Variants in DRC11 observed in about 807,000 individuals in gnomAD.
The protein encoded by DRC11 is dynein regulatory complex subunit 11.
At chr2:236,483,449 GA>G in the DRC11 span, among the ~76,000 whole-genome samples, 1 of 152,120 alleles carries the variant, frequency 6.6e-6, no homozygotes, top group Admixed American at 6.6e-5. This position sits in a 1 kb window ranked among gnomAD's most constrained non-coding sequence, Gnocchi z 4.8. Context: ...ATAAAATCAA[GA>G]TATTTTTGAA....
chr2:236,502,454 G>A, the DRC11 span, among the ~76,000 whole-genome samples: 2,093 of 141,210 alleles, frequency 0.015, 14 homozygotes, highest in Middle Eastern at 0.028. Flanking sequence ...GCAGGCGCCT[G>A]TAATCCCAGC....
the DRC11 span, among the ~76,000 whole-genome samples, chr2:236,396,287 G>A: frequency 1.0e-5 from 1 of 98,278 alleles, no homozygotes; most frequent in East Asian, 3.3e-4. Context: ...ACGTGGGGGG[G>A]CAATGAAAGA....
chr2:236,504,417 C>T, the DRC11 span, among the ~76,000 whole-genome samples: 415 of 152,182 alleles, frequency 2.7e-3, 1 homozygote, highest in African/African-American at 9.2e-3. The surrounding 1 kb of genome is among the most constrained non-coding windows in gnomAD (Gnocchi z 5.0). Flanking sequence ...CATTCCTGTG[C>T]GAGTTTCTGC....
the DRC11 span, among the ~76,000 whole-genome samples, chr2:236,428,373 C>T: frequency 1.3e-5 from 2 of 152,020 alleles, no homozygotes; most frequent in Non-Finnish European, 2.9e-5. Flanking sequence ...TCTGTCTCTC[C>T]CTTCAGATCT....
the DRC11 span, among the ~76,000 whole-genome samples, chr2:236,450,523 T>C: frequency 6.6e-6 from 1 of 152,042 alleles, no homozygotes; most frequent in Non-Finnish European, 1.5e-5. Flanking sequence ...TTTTACCATG[T>C]TGGTCAGGAT....
the DRC11 span, among the ~76,000 whole-genome samples, chr2:236,381,278 G>A: frequency 1.3e-5 from 2 of 152,094 alleles, no homozygotes; most frequent in African/African-American, 2.4e-5. The surrounding 1 kb of genome is among the most constrained non-coding windows in gnomAD (Gnocchi z 5.8). Context: ...CCAGAACTAT[G>A]AGCTATTAAT....
At chr2:236,315,573 A>C in the DRC11 span, among the ~76,000 whole-genome samples, 1 of 152,208 alleles carries the variant, frequency 6.6e-6, no homozygotes, top group African/African-American at 2.4e-5. This position sits in a 1 kb window ranked among gnomAD's most constrained non-coding sequence, Gnocchi z 5.1. Context: ...TTGCAGCACT[A>C]TTCACAATAG....
chr2:236,377,217 G>GCA, the DRC11 span: 1 of 1,374,812 alleles, frequency 7.3e-7, no homozygotes, highest in Non-Finnish European at 1.0e-6. This position sits in a 1 kb window ranked among gnomAD's most constrained non-coding sequence, Gnocchi z 4.9. Flanking sequence ...TGTTCCAGAG[G>GCA]CACACACACA....
the DRC11 span, among the ~76,000 whole-genome samples, chr2:236,356,992 CTATATATT>C: frequency 4.4e-3 from 379 of 85,576 alleles, 8 homozygotes; most frequent in African/African-American, 0.015. Context: ...TATTATATAT[CTATATATT>C]TATATATTCA....
At chr2:236,488,489 T>G in the DRC11 span, among the ~76,000 whole-genome samples, 2 of 152,164 alleles carry the variant, frequency 1.3e-5, no homozygotes, top group African/African-American at 4.8e-5. Flanking sequence ...ATACTAAAAA[T>G]GTCAATAAAA....
chr2:236,419,467 G>C, the DRC11 span, among the ~76,000 whole-genome samples: 1 of 152,190 alleles, frequency 6.6e-6, no homozygotes, highest in Admixed American at 6.5e-5. This position sits in a 1 kb window ranked among gnomAD's most constrained non-coding sequence, Gnocchi z 4.8. Flanking sequence ...TCATGAACAG[G>C]GGGCAGCAGC....
At chr2:236,344,734 G>A in the DRC11 span, 63 of 876,188 alleles carry the variant, frequency 7.2e-5, no homozygotes, top group African/African-American at 9.6e-4. Context: ...CTTCTGGGGT[G>A]TGCAGAGCCC....
the DRC11 span, among the ~76,000 whole-genome samples, chr2:236,437,697 G>A: frequency 7.9e-5 from 12 of 151,916 alleles, no homozygotes; most frequent in African/African-American, 2.9e-4. Flanking sequence ...GGCCAGTGAT[G>A]CTGAGCATTT....
At chr2:236,430,735 C>T in the DRC11 span, among the ~76,000 whole-genome samples, 1 of 152,194 alleles carries the variant, frequency 6.6e-6, no homozygotes, top group Non-Finnish European at 1.5e-5. The surrounding 1 kb of genome is among the most constrained non-coding windows in gnomAD (Gnocchi z 6.0). Context: ...ATTTGTAATA[C>T]TGTTAAACTT....
the DRC11 span, among the ~76,000 whole-genome samples, chr2:236,441,398 G>C: frequency 2.7e-5 from 4 of 149,944 alleles, no homozygotes; most frequent in Non-Finnish European, 5.9e-5. Context: ...TTTTAATGTT[G>C]AGATGCTCTG....
At chr2:236,381,626 T>C in the DRC11 span, among the ~76,000 whole-genome samples, 1 of 152,250 alleles carries the variant, frequency 6.6e-6, no homozygotes, top group East Asian at 1.9e-4. This position sits in a 1 kb window ranked among gnomAD's most constrained non-coding sequence, Gnocchi z 5.8. Context: ...CCTCAGGGCC[T>C]GGCAACAGTC....
At chr2:236,420,082 C>G in the DRC11 span, among the ~76,000 whole-genome samples, 1 of 152,210 alleles carries the variant, frequency 6.6e-6, no homozygotes, top group Non-Finnish European at 1.5e-5. The surrounding 1 kb of genome is among the most constrained non-coding windows in gnomAD (Gnocchi z 4.8). Flanking sequence ...GCCAGCATCT[C>G]CGTACATAGC....
chr2:236,432,682 C>G, the DRC11 span, among the ~76,000 whole-genome samples: 1 of 152,140 alleles, frequency 6.6e-6, no homozygotes, highest in African/African-American at 2.4e-5. Flanking sequence ...ATACCCATCA[C>G]AAATAATTCT....
the DRC11 span, among the ~76,000 whole-genome samples, chr2:236,373,288 G>A: frequency 3.4e-4 from 49 of 143,410 alleles, no homozygotes; most frequent in Non-Finnish European, 5.5e-4. Context: ...ACGGAGTCCC[G>A]CTCTGACCCC....
Sources: allele counts gnomAD v4.1 joint callset (sites outside exome capture counted in the v4.1 genomes callset), GRCh38; gene constraint gnomAD v4.1.1; non-coding constraint Gnocchi (gnomAD v3.1); transcripts MANE v1.5; gene names NCBI Gene and HGNC (gene_info 2026-07-23, HGNC 2026-07-21).